Variants in RAD51B observed in about 807,000 individuals in gnomAD.
RAD51B encodes RAD51 paralog B.
A neutral mutation model predicts 42.2 loss-of-function variants in RAD51B; 38 were observed. The observed-to-expected ratio is 0.90, with a 90% CI of 0.70 to 1.18. The LOEUF is 1.18. RAD51B is among the 50% of genes most tolerant of loss of function. The pLI, the probability that RAD51B is intolerant of heterozygous loss-of-function variation, is 0.00. For missense variants in RAD51B, 373 were observed against 400.7 expected, an observed-to-expected ratio of 0.93 and a Z score of 0.59; for synonymous variants, 154 against 145.2, an observed-to-expected ratio of 1.06 and a Z score of -0.43.
chr14:68,106,235 C>T (rs1466660275), intron 7 of RAD51B, among the ~76,000 whole-genome samples: 1 of 151,800 alleles, frequency 6.6e-6, no homozygotes, highest in African/African-American at 2.4e-5. Context: ...TCTAGCTTGA[C>T]ATATTTGTGG....
chr14:68,130,080 C>G (rs987552751), intron 7 of RAD51B: 1 of 152,228 alleles, frequency 6.6e-6, no homozygotes, highest in Non-Finnish European at 1.5e-5. Flanking sequence ...AGCTCATAGT[C>G]CTCTTCCAAG....
chr14:68,126,815 T>C (rs1435290008), intron 7 of RAD51B, among the ~76,000 whole-genome samples: 2 of 152,202 alleles, frequency 1.3e-5, no homozygotes, highest in African/African-American at 4.8e-5. Flanking sequence ...ATGTGTGAAA[T>C]ATGTGGAATG....
chr14:68,425,345 A>T (rs28655994), intron 9 of RAD51B, among the ~76,000 whole-genome samples: 24,575 of 152,226 alleles, frequency 0.16, 4,027 homozygotes, highest in African/African-American at 0.42. Flanking sequence ...TAGTTTACTT[A>T]ATGGCCATTA....
At chr14:68,319,386 C>G (rs2082118230) in intron 8 of RAD51B, among the ~76,000 whole-genome samples, 1 of 152,030 alleles carries the variant, frequency 6.6e-6, no homozygotes, top group Admixed American at 6.6e-5. Context: ...TTCTTTTTGC[C>G]AAATCTGCAG....
chr14:68,338,037 C>T (rs1177160298), intron 8 of RAD51B, among the ~76,000 whole-genome samples: 2 of 152,128 alleles, frequency 1.3e-5, no homozygotes, highest in African/African-American at 4.8e-5. Flanking sequence ...AGCAATCCTC[C>T]TGCCTCACAC....
At chr14:68,089,619 C>A (rs1163255766) in intron 7 of RAD51B, among the ~76,000 whole-genome samples, 1 of 152,218 alleles carries the variant, frequency 6.6e-6, no homozygotes, top group Non-Finnish European at 1.5e-5. Flanking sequence ...GCCTGGGCCT[C>A]TCAAATTGAG....
chr14:68,615,576 ACCTCATGATCTG>A (rs1891809702), downstream of RAD51B, among the ~76,000 whole-genome samples: 1 of 151,828 alleles, frequency 6.6e-6, no homozygotes, highest in South Asian at 2.1e-4. Flanking sequence ...CGATGTCCTG[ACCTCATGATCTG>A]CCTGCCTCAG....
intron 9 of RAD51B, among the ~76,000 whole-genome samples, chr14:68,450,856 G>A (rs2085542239): frequency 6.6e-6 from 1 of 152,306 alleles, no homozygotes; most frequent in Middle Eastern, 3.4e-3. Flanking sequence ...ACAGTAAGAA[G>A]GGTATATGGG....
chr14:68,645,524 T>C (rs889934926), intron 10 of RAD51B, among the ~76,000 whole-genome samples: 1 of 152,236 alleles, frequency 6.6e-6, no homozygotes. Context: ...AGAAGTGGAA[T>C]TGCTGGATTC....
chr14:68,602,673 G>C (rs1891273952), intron 10 of RAD51B, among the ~76,000 whole-genome samples: 1 of 152,198 alleles, frequency 6.6e-6, no homozygotes, highest in South Asian at 2.1e-4. Context: ...GCCTTTGACT[G>C]ATTGGACAAG....
intron 9 of RAD51B, among the ~76,000 whole-genome samples, chr14:68,462,259 T>C (rs1346378228): frequency 1.3e-5 from 2 of 152,196 alleles, no homozygotes; most frequent in African/African-American, 4.8e-5. Context: ...CGTAGTGGAA[T>C]GTCACAGTGG....
chr14:68,332,758 T>TAAAC lies in RAD51B; in HGVS notation c.853+40779_853+40780insAACA, dbSNP rs1432292787. Among the ~76,000 whole-genome samples, 63 of 93,698 alleles carry TAAAC rather than the reference T, an allele frequency of 6.7e-4. 1 individual carries two copies. In the South Asian group the frequency reaches 0.013, roughly 20 times the overall value. 61.5% of individuals were successfully genotyped at this position (93,698 alleles called of 152,430 possible). A position where few individuals can be genotyped will look rare whatever the true frequency, so the allele number is the denominator to read the frequency against. ...ACTGAAGTGCAGAGAGAGAAATAAA[T>TAAAC]ATCTTTTTCTTATTCCAGTTCAATT... On this transcript the variant is annotated intron_variant, in intron 8 of 10. Transcript: ENST00000471583.
chr14:67,846,174 G>C (rs994123722), intron 4 of RAD51B, among the ~76,000 whole-genome samples: 1 of 152,324 alleles, frequency 6.6e-6, no homozygotes, highest in Non-Finnish European at 1.5e-5. Flanking sequence ...TGGGGTGCTG[G>C]TGGGTGCGGC....
chr14:68,337,470 G>C (rs2082479830), intron 8 of RAD51B, among the ~76,000 whole-genome samples: 1 of 152,190 alleles, frequency 6.6e-6, no homozygotes, highest in African/African-American at 2.4e-5. Flanking sequence ...TGTGGAAGTG[G>C]CTGTACTCTT....
intron 7 of RAD51B, among the ~76,000 whole-genome samples, chr14:68,071,445 G>A (rs1291139243): frequency 6.6e-6 from 1 of 151,858 alleles, no homozygotes; most frequent in Non-Finnish European, 1.5e-5. Context: ...TACCTTTGAT[G>A]CCTAGTTTGT....
chr14:68,006,608 G>A (rs953093090), intron 7 of RAD51B, among the ~76,000 whole-genome samples: 6 of 151,794 alleles, frequency 4.0e-5, no homozygotes, highest in African/African-American at 1.5e-4. Context: ...ATATTTCTTG[G>A]AAATCCTTGC....
At chr14:67,932,780 C>T (rs1020599950) in intron 7 of RAD51B, among the ~76,000 whole-genome samples, 1 of 152,074 alleles carries the variant, frequency 6.6e-6, no homozygotes, top group Non-Finnish European at 1.5e-5. Flanking sequence ...TACTGTACTG[C>T]TATGCCAAGG....
chr14:68,503,414 G>A (rs1392268993), intron 10 of RAD51B, among the ~76,000 whole-genome samples: 4 of 152,004 alleles, frequency 2.6e-5, no homozygotes, highest in African/African-American at 9.7e-5. Flanking sequence ...TGAGGAGGAG[G>A]CATCTCCCTT....
At chr14:68,653,491 G>A (rs755254615) in intron 11 of RAD51B, among the ~76,000 whole-genome samples, 10 of 152,158 alleles carry the variant, frequency 6.6e-5, no homozygotes, top group African/African-American at 1.4e-4. Flanking sequence ...CTCAACCTCC[G>A]TACAACTCAC....
Sources: allele counts gnomAD v4.1 joint callset (sites outside exome capture counted in the v4.1 genomes callset), GRCh38; gene constraint gnomAD v4.1.1; transcripts MANE v1.5; gene names NCBI Gene and HGNC (gene_info 2026-07-23, HGNC 2026-07-21).